The following STAB2 variants were observed in gnomAD, a reference collection of about 807,000 sequenced individuals.
STAB2 encodes the protein stabilin-2.
STAB2 carries 288 observed loss-of-function variants against 338.1 expected under a neutral mutation model. That is an observed-to-expected ratio of 0.85 (90% confidence interval 0.77 to 0.94). The LOEUF is 0.94. STAB2 is among the 40% of genes least tolerant of loss of function. The pLI is 0.00. For synonymous variants in STAB2, 1,202 were observed against 1,193.3 expected (o/e 1.01, Z -0.15); for missense variants, 3,141 against 3,210.1 (o/e 0.98, Z 0.52).
At chr12:103,724,878 AAATG>A in intron 44 of STAB2, 93 bp from the exon 45 acceptor site, 1 of 1,560,412 alleles carries the variant, frequency 6.4e-7, no homozygotes. Flanking sequence ...GTGAGACAAA[AAATG>A]AATTCAAACG....
chr12:103,669,581 A>G lies in STAB2; in HGVS notation c.2213A>G (p.Asn738Ser), dbSNP rs1437460718. 4 of 1,614,234 alleles carry G rather than the reference A, an allele frequency of 2.5e-6. No homozygotes were observed. Among genetic ancestry groups the G allele is most frequent in the East Asian group, 2.2e-5 (1 of 44,890 alleles). The change falls in exon 21 of 69, where the codon AAC becomes AGC. Residue 738 changes from asparagine to serine, a missense_variant. By Grantham distance (46) the Asn-to-Ser change is conservative. Transcript: ENST00000388887. ...CCKGFYGPDC[N>S]QCPGGFSNPC... ...AAAGGCTTCTATGGACCTGACTGCA[A>G]CCAGTGTCCAGGAGGCTTCTCAAAT...
intron 38 of STAB2, among the ~76,000 whole-genome samples, chr12:103,708,085 A>G (rs910837186): frequency 1.3e-5 from 2 of 152,162 alleles, no homozygotes; most frequent in Non-Finnish European, 2.9e-5. Context: ...CCTGAAGTCC[A>G]TTCTTAAGGG....
chr12:103,689,732 C>A, intron 28 of STAB2, 114 bp from the exon 29 acceptor site: 1 of 1,395,666 alleles, frequency 7.2e-7, no homozygotes, highest in Non-Finnish European at 9.7e-7. Flanking sequence ...GGAAAGGAGA[C>A]CCTAGGACCC....
intron 23 of STAB2, among the ~76,000 whole-genome samples, 195 bp from the exon 24 acceptor site, chr12:103,675,733 C>T (rs970832831): frequency 3.9e-5 from 6 of 152,196 alleles, no homozygotes; most frequent in East Asian, 1.9e-4. Context: ...AAGAAGTGGG[C>T]AGGCTTCATT....
intron 67 of STAB2, among the ~76,000 whole-genome samples, chr12:103,762,617 T>G (rs1048982498): frequency 3.3e-5 from 5 of 152,156 alleles, no homozygotes; most frequent in Non-Finnish European, 7.4e-5. Flanking sequence ...AGCCCCTCCT[T>G]CTGGCTGAGA....
chr12:103,696,758 G>C (rs769933467), intron 33 of STAB2, among the ~76,000 whole-genome samples: 1 of 152,196 alleles, frequency 6.6e-6, no homozygotes, highest in Non-Finnish European at 1.5e-5. Context: ...AAAGGCCAGG[G>C]ACGGGGGGAG....
intron 37 of STAB2, 63 bp downstream of exon 37, chr12:103,705,790 T>C: frequency 6.6e-7 from 1 of 1,504,650 alleles, no homozygotes; most frequent in Non-Finnish European, 9.2e-7. Flanking sequence ...CATCATATGG[T>C]ATCCTTTTCA....
At chr12:103,612,956 A>G (rs1957149384) in intron 3 of STAB2, among the ~76,000 whole-genome samples, 2 of 152,214 alleles carry the variant, frequency 1.3e-5, no homozygotes, top group South Asian at 2.1e-4. Context: ...GGTCCACTCC[A>G]GATCCTGTTT....
chr12:103,667,576 T>C (rs990468558), intron 19 of STAB2, among the ~76,000 whole-genome samples: 4 of 152,126 alleles, frequency 2.6e-5, no homozygotes, highest in Non-Finnish European at 5.9e-5. Flanking sequence ...GACACATGGG[T>C]AGGAGCCAAA....
chr12:103,654,894 G>A (rs1593187747), intron 13 of STAB2, 196 bp downstream of exon 13: 2 of 657,464 alleles, frequency 3.0e-6, no homozygotes, highest in Non-Finnish European at 2.4e-6. Flanking sequence ...AAGACGTACA[G>A]TAACATATGT....
At chr12:103,611,964 A>G (rs983551228) in intron 3 of STAB2, among the ~76,000 whole-genome samples, 6 of 152,198 alleles carry the variant, frequency 3.9e-5, no homozygotes, top group Admixed American at 1.3e-4. Flanking sequence ...ATGGCTGGCT[A>G]TGAAATTCTG....
chr12:103,721,977 T>G (rs1880803932), intron 44 of STAB2, among the ~76,000 whole-genome samples: 1 of 152,208 alleles, frequency 6.6e-6, no homozygotes, highest in South Asian at 2.1e-4. Flanking sequence ...GAGGAAATGT[T>G]GAGTGAAATA....
rs551680978 is a variant in STAB2, at chr12:103,665,426, A to G, written c.2023-865A>G. On this transcript the variant is annotated intron_variant, in intron 18 of 68. Coordinates refer to ENST00000388887, the MANE Select transcript of STAB2 (RefSeq NM_017564.10). ...TGAAGGAGCTACTGCAGAGGTGTGG[A>G]CAGGGCTAAGGAAACGAATAAGTTT... Among the ~76,000 whole-genome samples, 3 of 152,314 alleles carry G rather than the reference A, an allele frequency of 2.0e-5. No individual in the cohort carries two copies. In the South Asian group the frequency reaches 6.2e-4, roughly 32 times the overall value.
intron 5 of STAB2, 80 bp from the exon 6 acceptor site, chr12:103,631,518 G>T (rs900673587): frequency 1.5e-6 from 2 of 1,354,340 alleles, no homozygotes; most frequent in Admixed American, 1.7e-5. Flanking sequence ...CAGCAAAGAT[G>T]ATCTAAAAAC....
intron 60 of STAB2, 48 bp downstream of exon 60, chr12:103,750,768 C>G (rs370135844): frequency 2.3e-5 from 36 of 1,568,880 alleles, no homozygotes; most frequent in Non-Finnish European, 2.2e-5. Flanking sequence ...CTCTTCAGGC[C>G]TGGGGAAGGG....
At chr12:103,668,789 A>C in intron 20 of STAB2, 60 bp downstream of exon 20, 3 of 1,446,832 alleles carry the variant, frequency 2.1e-6, no homozygotes, top group Non-Finnish European at 1.9e-6. Context: ...CTCCAGGGCC[A>C]TGCTCTTGGG....
At position 103,673,771 on chromosome 12, in the gene STAB2, G is replaced by C. The variant is rs1240477394; in HGVS notation, c.2372-136G>C. On this transcript the variant is annotated intron_variant, in intron 22 of 68. Transcript: ENST00000388887. ...GAAATAGCAGCCTAAGTCTTCTCCCGGCTCAGCCCCGATTCTGCTTTGACA... is the reference window on the plus strand; with the variant it reads ...GAAATAGCAGCCTAAGTCTTCTCCCCGCTCAGCCCCGATTCTGCTTTGACA... 5.3e-6 allele frequency: 5 copies of C among 934,700 alleles called. No homozygotes were observed. The African/African-American group carries it at 6.6e-5, about 12-fold the overall frequency. 57.9% of individuals were successfully genotyped at this position (934,700 alleles called of 1,614,324 possible).
chr12:103,598,456 G>A (rs1484957882), intron 3 of STAB2, among the ~76,000 whole-genome samples: 2 of 152,182 alleles, frequency 1.3e-5, no homozygotes, highest in African/African-American at 4.8e-5. Context: ...ATGTGATAAT[G>A]ACCTAGAATA....
intron 64 of STAB2, 117 bp from the exon 65 acceptor site, chr12:103,759,016 A>G: frequency 1.3e-6 from 2 of 1,542,600 alleles, no homozygotes; most frequent in Non-Finnish European, 1.8e-6. Context: ...TGATCTCCAC[A>G]TGGAGGCAGG....
Sources: gnomAD v4.1 joint callset for allele counts (sites outside exome capture counted in the v4.1 genomes callset) on GRCh38, gnomAD v4.1.1 for gene constraint, MANE v1.5 for transcripts, NCBI Gene and HGNC (gene_info 2026-07-23, HGNC 2026-07-21) for gene names.